IRAK1BP1: variants seen among roughly 807,000 people sequenced by gnomAD.
IRAK1BP1 encodes interleukin-1 receptor-associated kinase 1-binding protein 1.
Under a neutral mutation model 28.0 loss-of-function variants are expected in IRAK1BP1, and 24 were observed. That is an observed-to-expected ratio of 0.86 (90% confidence interval 0.62 to 1.20). IRAK1BP1 has a LOEUF of 1.20. Ranked by LOEUF, IRAK1BP1 falls within the 50% of genes most tolerant of loss-of-function variation. The probability of loss-of-function intolerance (pLI) is 0.00; values close to 1 mark genes in which losing one functional copy is unlikely to be tolerated. For missense variants in IRAK1BP1, 336 were observed against 316.7 expected (o/e 1.06, Z -0.46); for synonymous variants, 131 against 116.3 (o/e 1.13, Z -0.81).
the IRAK1BP1 span, among the ~76,000 whole-genome samples, chr6:78,951,955 G>A: frequency 6.6e-6 from 1 of 152,306 alleles, no homozygotes; most frequent in Non-Finnish European, 1.5e-5. Flanking sequence ...TCAGTAAAGT[G>A]AGTGGCTTGG....
intron 4 of IRAK1BP1, chr6:78,945,332 G>T (rs1238184544): frequency 6.2e-7 from 1 of 1,613,556 alleles, no homozygotes; most frequent in Non-Finnish European, 8.5e-7. Flanking sequence ...CTTTGAAAGA[G>T]TGGACGCCTT....
chr6:78,900,795 A>G lies in IRAK1BP1; in HGVS notation c.*2461A>G, dbSNP rs556884104. ...TATAAGGATTAAAGTTGATAAATAT[A>G]TGATCATGAGAACAATTGCTAGCAC... On this transcript the variant is annotated 3_prime_UTR_variant, in exon 4 of 4. Transcript: ENST00000369940. 3 of 152,344 alleles carry G rather than the reference A, an allele frequency of 2.0e-5. No homozygotes were observed. Among genetic ancestry groups the G allele is most frequent in the Admixed American group, 6.5e-5 (1 of 15,302 alleles). The allele number at this position is 152,344 out of a possible 1,614,324, so 9.4% of individuals were successfully genotyped here.
chr6:78,893,292 A>G (rs199503759), intron 2 of IRAK1BP1, among the ~76,000 whole-genome samples: 5,985 of 75,466 alleles, frequency 0.079, 362 homozygotes, highest in South Asian at 0.24. Flanking sequence ...GTGTGTATAT[A>G]TGTGTGTGTG....
intron 1 of IRAK1BP1, among the ~76,000 whole-genome samples, chr6:78,883,164 G>A (rs1771291802): frequency 6.6e-6 from 1 of 152,024 alleles, no homozygotes; most frequent in South Asian, 2.1e-4. Context: ...AGGAGGCTGA[G>A]GCAGAAAGAT....
intron 1 of IRAK1BP1, chr6:78,871,620 C>A: frequency 1.3e-6 from 1 of 790,506 alleles, no homozygotes; most frequent in Non-Finnish European, 1.5e-6. Context: ...TGATGGTATT[C>A]GGAGGAGGCT....
chr6:78,928,022 C>A (rs184917860), intron 4 of IRAK1BP1, among the ~76,000 whole-genome samples: 39 of 152,118 alleles, frequency 2.6e-4, no homozygotes, highest in Admixed American at 2.6e-3. Flanking sequence ...TATTCTGGGT[C>A]TTTTCTGATG....
chr6:78,978,089 A>G, the IRAK1BP1 span, among the ~76,000 whole-genome samples: 1 of 152,092 alleles, frequency 6.6e-6, no homozygotes, highest in African/African-American at 2.4e-5. Flanking sequence ...ACATATTCTA[A>G]AACAATGGTC....
chr6:78,870,959 C>T (rs1301929487), intron 1 of IRAK1BP1, among the ~76,000 whole-genome samples: 1 of 152,148 alleles, frequency 6.6e-6, no homozygotes, highest in Non-Finnish European at 1.5e-5. Context: ...CCACCTCAAC[C>T]TCCCAAAATG....
chr6:78,915,826 A>T (rs906000982), intron 4 of IRAK1BP1, among the ~76,000 whole-genome samples: 1 of 152,092 alleles, frequency 6.6e-6, no homozygotes, highest in Admixed American at 6.6e-5. Context: ...CTATCTTGGC[A>T]TCTGCTTTTT....
At chr6:78,927,019 T>C (rs1188807364) in intron 4 of IRAK1BP1, among the ~76,000 whole-genome samples, 2 of 152,180 alleles carry the variant, frequency 1.3e-5, no homozygotes, top group Admixed American at 1.3e-4. Context: ...GAAGTTCAGG[T>C]ATCTCTTGGA....
intron 4 of IRAK1BP1, among the ~76,000 whole-genome samples, chr6:78,923,533 T>C (rs1043813662): frequency 2.6e-5 from 4 of 152,044 alleles, no homozygotes; most frequent in African/African-American, 9.7e-5. Context: ...AACATGGATA[T>C]CCAGGAATTT....
intron 4 of IRAK1BP1, chr6:78,941,159 T>A: frequency 6.2e-7 from 1 of 1,614,040 alleles, no homozygotes; most frequent in Non-Finnish European, 8.5e-7. Context: ...CTTTGCATAC[T>A]GTAGCTTTTT....
rs949874583 is a variant in IRAK1BP1, at chr6:78,898,691, TCAGC to T, written c.*360_*363del. The T allele has an allele frequency of 1.3e-5, 2 of 151,836 alleles. No individual in the cohort carries two copies. The highest frequency in any genetic ancestry group is 2.9e-5 in the Non-Finnish European group (2 of 67,938). The allele number at this position is 151,836 out of a possible 1,614,324, so 9.4% of individuals were successfully genotyped here. Reference sequence around the variant, plus strand: ...TAAAGATATTTAAGCTAAAATTTTCTCAGCCACATTTTTATATAAAACCAAATTT... The same window carrying T: ...TAAAGATATTTAAGCTAAAATTTTCTCACATTTTTATATAAAACCAAATTT... On this transcript the variant is annotated 3_prime_UTR_variant, in exon 4 of 4. Transcript: ENST00000369940.
chr6:78,872,187 C>A, intron 1 of IRAK1BP1: 1 of 689,092 alleles, frequency 1.5e-6, no homozygotes, highest in East Asian at 2.7e-5. Context: ...TAAATTTGAG[C>A]TGACCACAGC....
In IRAK1BP1 at chr6:78,940,842, G is replaced by A. The variant is rs1554193405; in HGVS notation, c.*68-4566G>A. The A allele has an allele frequency of 6.2e-7, 1 of 1,613,816 alleles. No homozygotes were observed. Among genetic ancestry groups the A allele is most frequent in the Non-Finnish European group, 8.5e-7 (1 of 1,179,896 alleles). On this transcript the variant is annotated intron_variant and NMD_transcript_variant, in intron 4 of 4. Transcript: ENST00000606868. ...TCCTCATTATAGAAAGCTGTCCTTC[G>A]ACCTTGATTTCTAGTTCTCATGTGG...
intron 4 of IRAK1BP1, among the ~76,000 whole-genome samples, chr6:78,917,933 T>C (rs191139401): frequency 1.1e-3 from 169 of 152,160 alleles, no homozygotes; most frequent in Admixed American, 8.5e-3. Flanking sequence ...GTTCTAAACA[T>C]GAAAATGAAA....
the IRAK1BP1 span, among the ~76,000 whole-genome samples, chr6:78,959,931 T>A: frequency 6.6e-6 from 1 of 152,118 alleles, no homozygotes; most frequent in South Asian, 2.1e-4. Context: ...TCAAATGTGC[T>A]CAGAACACTG....
chr6:78,924,594 G>A (rs557526192), intron 4 of IRAK1BP1, among the ~76,000 whole-genome samples: 1 of 152,260 alleles, frequency 6.6e-6, no homozygotes, highest in East Asian at 1.9e-4. Context: ...TGATACCAAA[G>A]CCTGGCAGAG....
chr6:78,867,965 C>T, intron 1 of IRAK1BP1, 74 bp downstream of exon 1: 2 of 1,428,692 alleles, frequency 1.4e-6, no homozygotes, highest in Non-Finnish European at 1.9e-6. Context: ...GCCCCACAGG[C>T]CCCCCTAGCG....
Sources: gnomAD v4.1 joint callset for allele counts (sites outside exome capture counted in the v4.1 genomes callset) on GRCh38, gnomAD v4.1.1 for gene constraint, MANE v1.5 for transcripts, NCBI Gene and HGNC (gene_info 2026-07-23, HGNC 2026-07-21) for gene names.